Variants in CADPS observed in about 807,000 individuals in gnomAD.
CADPS encodes calcium-dependent secretion activator 1.
Under a neutral mutation model 167.3 loss-of-function variants are expected in CADPS, and 57 were observed. That is an observed-to-expected ratio of 0.34 (90% CI 0.28 to 0.42). The LOEUF (loss-of-function observed/expected upper bound fraction) is 0.42. Ranked by LOEUF, CADPS falls within the 20% of genes least tolerant of loss-of-function variation. CADPS has a pLI of 1.00. For synonymous variants in CADPS, 676 were observed against 635.3 expected (o/e 1.06, Z -0.96); for missense variants, 1,414 against 1,738.1 (o/e 0.81, Z 3.32).
chr3:62,417,110 A>G (rs924166720), intron 28 of CADPS, among the ~76,000 whole-genome samples: 3 of 152,088 alleles, frequency 2.0e-5, no homozygotes, highest in Non-Finnish European at 4.4e-5. Context: ...ATGTGAATAC[A>G]TGTGTGCATA....
At chr3:62,563,056 T>A (rs567248621) in intron 9 of CADPS, among the ~76,000 whole-genome samples, 3 of 152,310 alleles carry the variant, frequency 2.0e-5, no homozygotes, top group East Asian at 3.9e-4. Flanking sequence ...TAATATTGCT[T>A]GAGTCCTGGA....
At chr3:62,760,426 C>T (rs2085114696) in intron 2 of CADPS, among the ~76,000 whole-genome samples, 1 of 152,088 alleles carries the variant, frequency 6.6e-6, no homozygotes, top group African/African-American at 2.4e-5. Flanking sequence ...GACAGGGTCT[C>T]ATTCTGTCAC....
Position 62,602,947 on chromosome 3 carries a change from C to T in CADPS, c.1326-10199G>A, listed in dbSNP as rs1318316181. On this transcript the variant is annotated intron_variant, in intron 6 of 29. Coordinates refer to ENST00000383710, the MANE Select transcript of CADPS (RefSeq NM_003716.4). The surrounding 1 kb of genome is among the most constrained non-coding windows in gnomAD (Gnocchi z 4.4). ...GATCTTTCAAATCCCCTACGTATAT[C>T]ACAAATCTGATTTTTGCTATGGAGA... 6.6e-6 allele frequency among the ~76,000 whole-genome samples: 1 copy of T among 152,132 alleles called. No individual in the cohort carries two copies. The highest frequency in any genetic ancestry group is 1.5e-5 in the Non-Finnish European group (1 of 68,028).
At chr3:62,597,798 G>A (rs907849400) in intron 6 of CADPS, among the ~76,000 whole-genome samples, 1 of 151,996 alleles carries the variant, frequency 6.6e-6, no homozygotes, top group African/African-American at 2.4e-5. Flanking sequence ...ATGACCCTTG[G>A]CTCACCTCAA....
At chr3:62,564,699 T>C (rs1377934718) in intron 9 of CADPS, among the ~76,000 whole-genome samples, 1 of 151,058 alleles carries the variant, frequency 6.6e-6, no homozygotes. Flanking sequence ...TTCCGCCTCC[T>C]AGGTTTAAGC....
chr3:62,852,270 C>G (rs1205620469), intron 1 of CADPS, among the ~76,000 whole-genome samples: 18 of 151,974 alleles, frequency 1.2e-4, no homozygotes. Flanking sequence ...CTTCTTCTCT[C>G]AGCTCGTCAA....
chr3:62,407,319 C>A (rs1708882611), intron 28 of CADPS, among the ~76,000 whole-genome samples: 1 of 152,214 alleles, frequency 6.6e-6, no homozygotes, highest in Admixed American at 6.5e-5. Flanking sequence ...TTATAGGACA[C>A]ACAAGTAGCC....
Position 62,525,952 on chromosome 3 carries a change from T to C in CADPS, c.2291+6919A>G, listed in dbSNP as rs77809770. 5.5e-3 allele frequency among the ~76,000 whole-genome samples: 831 copies of C among 152,098 alleles called. 6 individuals are homozygous for C. The highest frequency in any genetic ancestry group is 0.041 in the Middle Eastern group (12 of 294). On this transcript the variant is annotated intron_variant, in intron 13 of 29. Coordinates refer to ENST00000383710, the MANE Select transcript of CADPS (RefSeq NM_003716.4). The stretch of plus-strand genomic sequence containing the variant: ...AGAGACCTAAACTATGGTAGTGGCA[T>C]TGAAGAGAGGGAGAAATGGTGGACT...
intron 9 of CADPS, among the ~76,000 whole-genome samples, chr3:62,564,817 G>A (rs1182369903): frequency 6.6e-6 from 1 of 152,050 alleles, no homozygotes; most frequent in South Asian, 2.1e-4. Context: ...ATATTGGCCA[G>A]GCTGGTCTCG....
chr3:62,863,837 G>A (rs2153193880), intron 1 of CADPS, among the ~76,000 whole-genome samples: 1 of 152,328 alleles, frequency 6.6e-6, no homozygotes, highest in African/African-American at 2.4e-5. Context: ...GCCTTGGCCA[G>A]CTCAGTTATA....
rs1031412894 is a variant in CADPS at position 62,626,247 on chromosome 3, G to A, written c.1325+19475C>T. 2.2e-4 allele frequency: 70 copies of A among 312,904 alleles called. 2 individuals are homozygous for A. In the Admixed American group the frequency reaches 3.1e-3, roughly 14 times the overall value. The allele number at this position is 312,904 out of a possible 1,614,324, so 19.4% of individuals were successfully genotyped here. On this transcript the variant is annotated intron_variant, in intron 6 of 29. Coordinates refer to ENST00000383710, the MANE Select transcript of CADPS (RefSeq NM_003716.4). ...TGAGAAGACAAAGCCAGCTAAGGGG[G>A]AAAATGTTTTCTTTCTTTTGTCTTG...
intron 8 of CADPS, among the ~76,000 whole-genome samples, chr3:62,571,318 A>T (rs371018198): frequency 5.9e-5 from 9 of 152,292 alleles, no homozygotes; most frequent in Admixed American, 4.6e-4. Flanking sequence ...GTCAAGTTTC[A>T]CTCAGGAAAA....
chr3:62,409,278 T>G (rs1042293229), intron 28 of CADPS, among the ~76,000 whole-genome samples: 1 of 152,250 alleles, frequency 6.6e-6, no homozygotes, highest in Admixed American at 6.5e-5. Context: ...AGTAATGGAT[T>G]GGTTACACAG....
At chr3:62,803,129 G>A (rs535874415) in intron 1 of CADPS, among the ~76,000 whole-genome samples, 4 of 152,184 alleles carry the variant, frequency 2.6e-5, no homozygotes, top group Non-Finnish European at 4.4e-5. Flanking sequence ...TAGGAGAGCT[G>A]AACCATGCAA....
At chr3:62,579,454 C>A (rs1275316267) in intron 8 of CADPS, among the ~76,000 whole-genome samples, 3 of 152,082 alleles carry the variant, frequency 2.0e-5, no homozygotes, top group Middle Eastern at 3.2e-3. Flanking sequence ...GGAAGACAGA[C>A]AACAAACTAA....
chr3:62,668,865 G>C (rs2074987044), intron 3 of CADPS, among the ~76,000 whole-genome samples: 1 of 152,126 alleles, frequency 6.6e-6, no homozygotes, highest in Non-Finnish European at 1.5e-5. Flanking sequence ...AATCAGCTGT[G>C]ACCCAAAAAG....
intron 20 of CADPS, 42 bp from the exon 21 acceptor site, chr3:62,491,522 C>T (rs1336003931): frequency 6.4e-7 from 1 of 1,554,568 alleles, no homozygotes; most frequent in Non-Finnish European, 8.8e-7. Context: ...CCCACAGCTA[C>T]TTTATCAACG....
chr3:62,778,550 C>T (rs939103235), intron 1 of CADPS, among the ~76,000 whole-genome samples: 1 of 152,114 alleles, frequency 6.6e-6, no homozygotes, highest in African/African-American at 2.4e-5. Context: ...TCATCCCTGA[C>T]TCTTGGTATT....
chr3:62,638,000 C>T (rs1323446149), intron 6 of CADPS, among the ~76,000 whole-genome samples: 3 of 151,702 alleles, frequency 2.0e-5, no homozygotes, highest in South Asian at 2.1e-4. Context: ...ATGTCCCCTT[C>T]GTCCATCTAA....
Sources: gnomAD v4.1 joint callset for allele counts (sites outside exome capture counted in the v4.1 genomes callset) on GRCh38, gnomAD v4.1.1 for gene constraint, Gnocchi (gnomAD v3.1) non-coding constraint, MANE v1.5 for transcripts, NCBI Gene and HGNC (gene_info 2026-07-23, HGNC 2026-07-21) for gene names.